The following STAG1 variants were observed in gnomAD, a reference collection of about 807,000 sequenced individuals.
STAG1 encodes the protein cohesin subunit SA-1.
STAG1 carries 26 observed loss-of-function variants against 170.9 expected under a neutral mutation model. That is an observed-to-expected ratio of 0.15 (90% CI 0.11 to 0.21). The LOEUF is 0.21. Among genes scored for constraint, STAG1 ranks in the 10% least tolerant of loss-of-function variants. STAG1 has a pLI of 1.00. For synonymous variants in STAG1, 514 were observed against 497.7 expected (o/e 1.03, Z -0.44); for missense variants, 964 against 1,509.5 (o/e 0.64, Z 5.99).
intron 11 of STAG1, 38 bp from the exon 12 acceptor site, chr3:136,472,530 C>T (rs375364661): frequency 3.5e-6 from 5 of 1,434,786 alleles, no homozygotes; most frequent in Non-Finnish European, 4.9e-6. Flanking sequence ...CAACTATGAA[C>T]AGAAAATAAG....
At chr3:136,575,998 A>G (rs538069955) in intron 4 of STAG1, among the ~76,000 whole-genome samples, 99 of 152,160 alleles carry the variant, frequency 6.5e-4, no homozygotes, top group Non-Finnish European at 1.2e-3. Context: ...GCCTACTAAT[A>G]TTTATATGCT....
intron 1 of STAG1, among the ~76,000 whole-genome samples, chr3:136,717,421 T>C (rs1403964663): frequency 3.3e-5 from 5 of 152,166 alleles, no homozygotes; most frequent in Non-Finnish European, 7.4e-5. Context: ...CCCAGCACTT[T>C]GGGAGGTCGA....
intron 1 of STAG1, among the ~76,000 whole-genome samples, chr3:136,697,218 T>C (rs1387277327): frequency 1.3e-5 from 2 of 152,210 alleles, no homozygotes; most frequent in Non-Finnish European, 2.9e-5. Flanking sequence ...TCTATTACAC[T>C]TTCTATGTTG....
intron 24 of STAG1, 111 bp from the exon 25 acceptor site, chr3:136,367,193 T>A: frequency 2.3e-6 from 2 of 875,970 alleles, no homozygotes; most frequent in Non-Finnish European, 3.5e-6. Flanking sequence ...TCACAAATAG[T>A]ACAATTCAGT....
chr3:136,688,399 A>AT (rs550515870), intron 1 of STAG1, among the ~76,000 whole-genome samples: 25 of 149,996 alleles, frequency 1.7e-4, no homozygotes, highest in African/African-American at 4.7e-4. Context: ...AAAAAGTTTA[A>AT]TTTTTTTTTT....
chr3:136,362,915 T>C (rs1231904244), intron 26 of STAG1, among the ~76,000 whole-genome samples: 1 of 151,960 alleles, frequency 6.6e-6, no homozygotes, highest in Non-Finnish European at 1.5e-5. Context: ...AACATATATA[T>C]ATTATGTATT....
intron 5 of STAG1, among the ~76,000 whole-genome samples, chr3:136,565,058 G>GGCAGA (rs1937015145): frequency 1.3e-4 from 4 of 29,882 alleles, no homozygotes; most frequent in Non-Finnish European, 2.9e-4. Flanking sequence ...GGGAGGGAGG[G>GGCAGA]AGGGAGGGAG....
At chr3:136,650,974 A>G (rs907198079) in intron 1 of STAG1, among the ~76,000 whole-genome samples, 6 of 151,908 alleles carry the variant, frequency 3.9e-5, no homozygotes, top group Non-Finnish European at 8.8e-5. Context: ...CACTCCCCAC[A>G]GGGATAAAGG....
chr3:136,662,367 G>C (rs761654612), intron 1 of STAG1, among the ~76,000 whole-genome samples: 1 of 152,156 alleles, frequency 6.6e-6, no homozygotes, highest in Admixed American at 6.5e-5. Context: ...GGCCAGGTTG[G>C]TCTCAAACTC....
intron 21 of STAG1, among the ~76,000 whole-genome samples, chr3:136,414,451 T>C (rs573989846): frequency 3.3e-5 from 5 of 152,352 alleles, no homozygotes; most frequent in African/African-American, 1.2e-4. Context: ...GAGCAGGAGA[T>C]AGCAGCAACT....
intron 15 of STAG1, among the ~76,000 whole-genome samples, chr3:136,442,275 A>G (rs1487862252): frequency 6.6e-6 from 1 of 152,208 alleles, no homozygotes; most frequent in Non-Finnish European, 1.5e-5. Context: ...TCAAGGCATC[A>G]CTCACCTTCT....
chr3:136,404,682 G>A (rs2087425818), intron 21 of STAG1, among the ~76,000 whole-genome samples: 2 of 151,998 alleles, frequency 1.3e-5, no homozygotes, highest in South Asian at 4.2e-4. Context: ...CTGACTAGCT[G>A]GCTGAATCAG....
At chr3:136,650,344 GAATA>G (rs1167543848) in intron 1 of STAG1, among the ~76,000 whole-genome samples, 7 of 151,316 alleles carry the variant, frequency 4.6e-5, no homozygotes, top group African/African-American at 1.2e-4. Context: ...AAAATATACA[GAATA>G]AATATGAAGA....
Position 136,595,074 on chromosome 3 carries a change from G to A in STAG1, c.297+9235C>T, listed in dbSNP as rs72971460. ...CTGAGCCATCATGTCCAGCCCTATA[G>A]TCCAACTTTTATAGTTGATATCTAG... On this transcript the variant is annotated intron_variant, in intron 4 of 33. Coordinates refer to ENST00000383202, the MANE Select transcript of STAG1 (RefSeq NM_005862.3). Among the ~76,000 whole-genome samples, 679 of 152,248 alleles carry A rather than the reference G, an allele frequency of 4.5e-3. 6 individuals carry two copies. The highest frequency in any genetic ancestry group is 0.016 in the African/African-American group (648 of 41,536).
intron 1 of STAG1, among the ~76,000 whole-genome samples, chr3:136,649,492 AAAAACAGAAAC>A (rs1187943394): frequency 6.8e-6 from 1 of 147,696 alleles, no homozygotes; most frequent in African/African-American, 2.6e-5. Flanking sequence ...AAACAAAAAC[AAAAACAGAAAC>A]AAAAAAAAAA....
intron 15 of STAG1, among the ~76,000 whole-genome samples, chr3:136,439,377 A>G (rs1365505664): frequency 7.1e-6 from 1 of 141,182 alleles, no homozygotes; most frequent in Admixed American, 7.5e-5. Flanking sequence ...ATTTTGCTGT[A>G]AAACACCCCC....
At position 136,504,366 on chromosome 3, in the gene STAG1, G is replaced by T. The variant is rs185098820; in HGVS notation, c.677-1587C>A. ...CAGAAATGGATTTTTCAGGATTTTT[G>T]CATTAGAAATGAATTAAATGAAAAT... On this transcript the variant is annotated intron_variant, in intron 7 of 33. Coordinates refer to ENST00000383202, the MANE Select transcript of STAG1 (RefSeq NM_005862.3). Among the ~76,000 whole-genome samples, 1,085 of 152,242 alleles carry T rather than the reference G, an allele frequency of 7.1e-3. 15 individuals are homozygous for T. The highest frequency in any genetic ancestry group is 0.023 in the African/African-American group (976 of 41,542).
intron 28 of STAG1, among the ~76,000 whole-genome samples, chr3:136,350,064 C>T (rs1157849437): frequency 6.6e-6 from 1 of 151,988 alleles, no homozygotes; most frequent in East Asian, 1.9e-4. Flanking sequence ...CGCTTGAACC[C>T]GGGAGGCGGA....
In STAG1 at chr3:136,568,868, A is replaced by G. The variant is rs762419109; in HGVS notation, c.298-7T>C. 21 of 1,567,424 alleles carry G rather than the reference A, an allele frequency of 1.3e-5. No homozygotes were observed. The highest frequency in any genetic ancestry group is 1.9e-5 in the Admixed American group (1 of 52,602). On this transcript the variant is annotated splice_region_variant and splice_polypyrimidine_tract_variant and intron_variant, in intron 4 of 33. Transcript: ENST00000383202. ...TCCAGTCATCCACCACGGACTGTGG[A>G]AAAAAAATATAAAAATGAAAACTTC...
Sources: allele counts gnomAD v4.1 joint callset (sites outside exome capture counted in the v4.1 genomes callset), GRCh38; gene constraint gnomAD v4.1.1; transcripts MANE v1.5; gene names NCBI Gene and HGNC (gene_info 2026-07-23, HGNC 2026-07-21).